Variants in SNAPC1 observed in about 807,000 individuals in gnomAD.
SNAPC1 encodes snRNA-activating protein complex subunit 1.
Under a neutral mutation model 50.1 loss-of-function variants are expected in SNAPC1, and 42 were observed. That is an observed-to-expected ratio of 0.84 (90% CI 0.65 to 1.08). SNAPC1 has a LOEUF of 1.08. SNAPC1 is among the 50% of genes least tolerant of loss of function. The pLI is 0.00. For synonymous variants in SNAPC1, 164 were observed against 144.2 expected, an observed-to-expected ratio of 1.14 and a Z score of -0.98; for missense variants, 477 against 427.3, an observed-to-expected ratio of 1.12 and a Z score of -1.02.
chr14:61,763,496 TTTTTTTTTTTC>T (rs1406742208), intron 1 of SNAPC1, among the ~76,000 whole-genome samples: 5 of 109,562 alleles, frequency 4.6e-5, no homozygotes, highest in East Asian at 2.3e-4. Context: ...CTTTTTTTTT[TTTTTTTTTTTC>T]TTTGGGCCCT....
intron 3 of SNAPC1, among the ~76,000 whole-genome samples, chr14:61,768,122 C>T (rs978408555): frequency 3.9e-5 from 6 of 152,226 alleles, no homozygotes; most frequent in Non-Finnish European, 7.4e-5. Context: ...CTAATTACTA[C>T]TTTTTTTTCT....
At chr14:61,789,303 A>C (rs2045136384) in intron 8 of SNAPC1, among the ~76,000 whole-genome samples, 1 of 152,192 alleles carries the variant, frequency 6.6e-6, no homozygotes, top group South Asian at 2.1e-4. Flanking sequence ...ACTAAAAATA[A>C]AACACAACAT....
intron 1 of SNAPC1, among the ~76,000 whole-genome samples, chr14:61,763,574 T>G (rs2044925171): frequency 2.0e-5 from 3 of 149,090 alleles, no homozygotes; most frequent in Non-Finnish European, 4.4e-5. Flanking sequence ...TTTGTCCACC[T>G]TATTCTTCAC....
intron 8 of SNAPC1, among the ~76,000 whole-genome samples, chr14:61,787,833 A>T (rs1313682083): frequency 1.3e-5 from 2 of 152,232 alleles, no homozygotes; most frequent in African/African-American, 4.8e-5. Context: ...TAACATAAGT[A>T]CCAAAGATAG....
Position 61,780,580 on chromosome 14 carries a change from T to A in SNAPC1, c.826-1667T>A, listed in dbSNP as rs184781082. ...TTAATTTTCTTATAGATTATGAATA[T>A]TAGACCTTTATCGAATGCAAAGTTT... On this transcript the variant is annotated intron_variant, in intron 7 of 9. Coordinates refer to ENST00000216294, the MANE Select transcript of SNAPC1 (RefSeq NM_003082.4). Among the ~76,000 whole-genome samples the A allele has an allele frequency of 1.0e-3, 152 of 152,322 alleles. 1 individual carries two copies. Among genetic ancestry groups the A allele is most frequent in the Middle Eastern group, 3.4e-3 (1 of 294 alleles).
intron 8 of SNAPC1, among the ~76,000 whole-genome samples, chr14:61,785,430 A>C (rs1340876020): frequency 1.3e-5 from 2 of 152,158 alleles, no homozygotes; most frequent in African/African-American, 4.8e-5. Flanking sequence ...AGAGAGAGAC[A>C]CAAGTTTCCA....
In SNAPC1 at chr14:61,767,241, A is replaced by C. The variant is rs1216291897; in HGVS notation, c.318A>C (p.Glu106Asp). The change falls in exon 3 of 10, where the codon GAA becomes GAC. Residue 106 changes from glutamate (E) to aspartate (D), a missense_variant. Glu to Asp is a conservative substitution (Grantham distance 45). Coordinates refer to ENST00000216294, the MANE Select transcript of SNAPC1 (RefSeq NM_003082.4). ...KIRVALKDWD[E>D]VLKFQQDLVN... ...GAGTTGCCCTGAAGGATTGGGATGA[A>C]GTTTTAAAATTTCAGCAAGATTTAG... 2 of 1,512,732 alleles carry C rather than the reference A, an allele frequency of 1.3e-6. No individual in the cohort carries two copies. Among genetic ancestry groups the C allele is most frequent in the African/African-American group, 2.8e-5 (2 of 70,484 alleles). 93.7% of individuals were successfully genotyped at this position (1,512,732 alleles called of 1,614,324 possible).
At chr14:61,778,583 A>G (rs535815321) in intron 6 of SNAPC1, among the ~76,000 whole-genome samples, 225 of 152,286 alleles carry the variant, frequency 1.5e-3, no homozygotes, top group African/African-American at 5.1e-3. Context: ...CTGATCACCC[A>G]GGCTTTCATT....
At chr14:61,770,265 C>A (rs2044978201) in intron 4 of SNAPC1, among the ~76,000 whole-genome samples, 2 of 145,690 alleles carry the variant, frequency 1.4e-5, no homozygotes, top group Non-Finnish European at 3.0e-5. Context: ...GTCCCTGACA[C>A]AGGATCTTCC....
At chr14:61,772,467 A>G (rs1445756195) in intron 4 of SNAPC1, among the ~76,000 whole-genome samples, 4 of 151,524 alleles carry the variant, frequency 2.6e-5, no homozygotes, top group African/African-American at 9.7e-5. Context: ...CTGGTCTTGA[A>G]CTCCTGACCT....
Position 61,794,944 on chromosome 14 carries a change from T to G in SNAPC1, c.1073-5T>G. The G allele has an allele frequency of 6.3e-7, 1 of 1,581,570 alleles. No individual in the cohort carries two copies. The highest frequency in any genetic ancestry group is 2.2e-5 in the East Asian group (1 of 44,662). ...CTGACTGACTTTTAAACTTTATGTC[T>G]TTAGAGTTCACTGCATCCAAGAAGA... On this transcript the variant is annotated splice_region_variant and splice_polypyrimidine_tract_variant and intron_variant, in intron 9 of 9. Transcript: ENST00000216294.
intron 1 of SNAPC1, among the ~76,000 whole-genome samples, chr14:61,764,949 G>A (rs1041701417): frequency 2.7e-5 from 4 of 145,644 alleles, no homozygotes; most frequent in African/African-American, 1.0e-4. Flanking sequence ...CAGGGCAAAT[G>A]TCTTTATTGT....
chr14:61,778,885 C>A lies in SNAPC1; in HGVS notation c.800C>A (p.Ser267Ter), dbSNP rs750808800. Residue 267 changes from serine (S) to a stop codon, truncating the protein, a stop_gained, in exon 7 of 10, where the codon TCA becomes TAA. Transcript: ENST00000216294. LOFTEE classifies it high-confidence loss of function. ...ERAESLAKIKSKAFSVVIQAS... is the reference protein window; with the variant it reads ...ERAESLAKIK ...GCAGAATCATTAGCGAAAATAAAAT[C>A]AAAGGCCTTTTCAGTTGTCATACAG... 6.4e-7 allele frequency: 1 copy of A among 1,562,316 alleles called. No individual in the cohort carries two copies. Among genetic ancestry groups the A allele is most frequent in the Admixed American group, 2.1e-5 (1 of 47,628 alleles).
Position 61,784,561 on chromosome 14 carries a change from C to G in SNAPC1, c.976+2164C>G, listed in dbSNP as rs993322623. On this transcript the variant is annotated intron_variant, in intron 8 of 9. Coordinates refer to ENST00000216294, the MANE Select transcript of SNAPC1 (RefSeq NM_003082.4). ...GGTTTTGTGAGCCGTGTTTCTGTCACAACTACTCAGCTCTACCATCGTAAT... is the reference window on the plus strand; with the variant it reads ...GGTTTTGTGAGCCGTGTTTCTGTCAGAACTACTCAGCTCTACCATCGTAAT... Among the ~76,000 whole-genome samples, 6 of 152,142 alleles carry G rather than the reference C, an allele frequency of 3.9e-5. No homozygotes were observed. In the South Asian group the frequency reaches 1.2e-3, roughly 32 times the overall value.
intron 9 of SNAPC1, among the ~76,000 whole-genome samples, chr14:61,794,709 A>T (rs896054820): frequency 2.6e-5 from 4 of 152,126 alleles, no homozygotes; most frequent in African/African-American, 9.7e-5. Flanking sequence ...CACCTGGCCG[A>T]TAGTATGTTT....
chr14:61,762,979 G>GTTTTTTTTT (rs1384010616), intron 1 of SNAPC1, among the ~76,000 whole-genome samples: 2 of 74,358 alleles, frequency 2.7e-5, no homozygotes, highest in East Asian at 5.5e-4. Flanking sequence ...AACCAAAGTT[G>GTTTTTTTTT]TCTTTTTTTT....
intron 8 of SNAPC1, among the ~76,000 whole-genome samples, chr14:61,789,598 G>A (rs1417856359): frequency 6.6e-6 from 1 of 152,182 alleles, no homozygotes; most frequent in African/African-American, 2.4e-5. Context: ...CATAGACTCA[G>A]ACAAGTAGAG....
At chr14:61,770,327 C>G (rs1164904824) in intron 4 of SNAPC1, among the ~76,000 whole-genome samples, 1 of 151,482 alleles carries the variant, frequency 6.6e-6, no homozygotes, top group Non-Finnish European at 1.5e-5. Flanking sequence ...GCAGCAACCT[C>G]TGCCTCCTAG....
Position 61,762,446 on chromosome 14 carries a change from C to CGGGCTTCGGAGGCGTGT in SNAPC1, c.-6_-5insAGGCGTGTGGGCTTCGG, listed in dbSNP as rs778160139. On this transcript the variant is annotated 5_prime_UTR_variant, in exon 1 of 10. Transcript: ENST00000216294. ...GAGGCGTGCGGGCTTCGGAGGCGTG[C>CGGGCTTCGGAGGCGTGT]GGGCTTCGGGTGCCATGGGGACTCC... is the stretch of plus-strand genomic sequence containing the variant. 6.2e-7 allele frequency: 1 copy of CGGGCTTCGGAGGCGTGT among 1,610,402 alleles called. No individual in the cohort carries two copies. The highest frequency in any genetic ancestry group is 8.5e-7 in the Non-Finnish European group (1 of 1,179,372).
Sources: gnomAD v4.1 joint callset for allele counts (sites outside exome capture counted in the v4.1 genomes callset) on GRCh38, gnomAD v4.1.1 for gene constraint, MANE v1.5 for transcripts, NCBI Gene and HGNC (gene_info 2026-07-23, HGNC 2026-07-21) for gene names.